Variants in ELMO1 observed in about 807,000 individuals in gnomAD.
ELMO1 encodes engulfment and cell motility protein 1.
ELMO1 carries 26 observed loss-of-function variants against 98.9 expected under a neutral mutation model. That is an observed-to-expected ratio of 0.26 (90% CI 0.19 to 0.36). ELMO1 has a LOEUF of 0.36. Ranked by LOEUF, ELMO1 falls within the 10% of genes least tolerant of loss-of-function variation. The pLI is 1.00. For missense variants in ELMO1, 627 were observed against 935.2 expected, an observed-to-expected ratio of 0.67 and a Z score of 4.30; for synonymous variants, 346 against 346.0, an observed-to-expected ratio of 1.00 and a Z score of 0.00.
intron 13 of ELMO1, among the ~76,000 whole-genome samples, chr7:37,159,615 A>G (rs1287669459): frequency 2.0e-5 from 3 of 152,084 alleles, no homozygotes; most frequent in Non-Finnish European, 4.4e-5. Context: ...CAAGAGAATC[A>G]CTTGAACCAG....
intron 16 of ELMO1, among the ~76,000 whole-genome samples, chr7:36,956,530 A>G (rs1562854823): frequency 6.6e-6 from 1 of 152,222 alleles, no homozygotes; most frequent in Non-Finnish European, 1.5e-5. Flanking sequence ...ATTCCAAAAT[A>G]GGCTAGACTG....
rs1439619628 is a variant in ELMO1 at position 37,342,681 on chromosome 7, G to A, written c.10C>T (p.Pro4Ser). The change falls in exon 2 of 22, where the codon CCC becomes TCC. Residue 4 changes from proline (P) to serine (S), a missense_variant. Pro to Ser is a moderately conservative substitution (Grantham distance 74, BLOSUM62 -1). This residue lies in a region of ELMO1 where 123 missense variants were observed against 171.2 expected (regional missense o/e 0.72). Coordinates refer to ENST00000310758, the MANE Select transcript of ELMO1 (RefSeq NM_014800.11). The surrounding 1 kb of genome is among the most constrained non-coding windows in gnomAD (Gnocchi z 4.3). ...ATGGCCACCTTGACGATGTCCGCGG[G>A]TGGCGGCATTGTAAGTCCCCAAAAT... MPP[P>S]ADIVKVAIEW... The A allele has an allele frequency of 1.2e-6, 2 of 1,610,164 alleles. No homozygotes were observed. Among genetic ancestry groups the A allele is most frequent in the Non-Finnish European group, 1.7e-6 (2 of 1,178,788 alleles).
chr7:37,034,914 G>A (rs1471595578), intron 15 of ELMO1, among the ~76,000 whole-genome samples: 1 of 152,184 alleles, frequency 6.6e-6, no homozygotes, highest in African/African-American at 2.4e-5. Flanking sequence ...AAGAAGACTG[G>A]AAGCTGGTGT....
At chr7:37,360,839 A>G (rs1801673241) in intron 1 of ELMO1, among the ~76,000 whole-genome samples, 1 of 152,374 alleles carries the variant, frequency 6.6e-6, no homozygotes, top group South Asian at 2.1e-4. Flanking sequence ...AAACCTTAAG[A>G]TTAAAGAATA....
chr7:37,241,741 A>C (rs940249891), intron 7 of ELMO1, among the ~76,000 whole-genome samples: 7 of 152,170 alleles, frequency 4.6e-5, no homozygotes, highest in Non-Finnish European at 8.8e-5. Flanking sequence ...GGAAGATTAT[A>C]CACTAGGAAG....
intron 1 of ELMO1, among the ~76,000 whole-genome samples, chr7:37,374,305 T>C (rs1802237473): frequency 6.6e-6 from 1 of 152,058 alleles, no homozygotes; most frequent in South Asian, 2.1e-4. Context: ...TATGCAACCA[T>C]CGTGTCTAAC....
At chr7:37,097,707 T>C (rs905741392) in intron 14 of ELMO1, among the ~76,000 whole-genome samples, 4 of 152,162 alleles carry the variant, frequency 2.6e-5, no homozygotes, top group East Asian at 3.8e-4. Flanking sequence ...AGTGTGGACT[T>C]AGGAGTTACC....
chr7:37,017,407 T>A (rs1055577495), intron 15 of ELMO1, among the ~76,000 whole-genome samples: 4 of 152,216 alleles, frequency 2.6e-5, no homozygotes, highest in African/African-American at 4.8e-5. Context: ...CTGAGTTTTG[T>A]TCATGACAAC....
At chr7:37,083,704 G>T (rs1207943843) in intron 15 of ELMO1, among the ~76,000 whole-genome samples, 1 of 152,224 alleles carries the variant, frequency 6.6e-6, no homozygotes, top group Non-Finnish European at 1.5e-5. Context: ...CTCTCTGGGA[G>T]GAAGAAAGCG....
At chr7:37,006,049 C>A (rs1012614930) in intron 16 of ELMO1, among the ~76,000 whole-genome samples, 2 of 152,176 alleles carry the variant, frequency 1.3e-5, no homozygotes, top group Non-Finnish European at 2.9e-5. Context: ...AAGGGAGGCC[C>A]TTGGCATTTT....
At chr7:37,420,482 T>C (rs1804426030) in intron 1 of ELMO1, among the ~76,000 whole-genome samples, 1 of 152,194 alleles carries the variant, frequency 6.6e-6, no homozygotes, top group Non-Finnish European at 1.5e-5. Context: ...GATGGATCCA[T>C]CACTGTCTAG....
At chr7:37,057,548 G>A (rs1796450990) in intron 15 of ELMO1, among the ~76,000 whole-genome samples, 1 of 152,212 alleles carries the variant, frequency 6.6e-6, no homozygotes, top group Non-Finnish European at 1.5e-5. Context: ...TCTTTACAAG[G>A]CCTTCATTAC....
chr7:37,258,267 C>A (rs1159131020), intron 6 of ELMO1, among the ~76,000 whole-genome samples: 3 of 139,736 alleles, frequency 2.1e-5, no homozygotes, highest in Admixed American at 7.3e-5. Context: ...ACTCCATCTA[C>A]CAAAAACAAA....
chr7:36,855,580 T>C lies in ELMO1; in HGVS notation c.2155A>G (p.Asn719Asp). The C allele has an allele frequency of 6.2e-7, 1 of 1,614,136 alleles. No homozygotes were observed. Among genetic ancestry groups the C allele is most frequent in the Non-Finnish European group, 8.5e-7 (1 of 1,179,990 alleles). ...APPPIPKEPS[N>D]YDFVYDCN ...TTACAGTCATAGACGAAGTCATAGT[T>C]GCTGGGCTCCTTGGGAATCGGCGGA... Residue 719 changes from asparagine (N) to aspartate (D), a missense_variant, in exon 22 of 22, where the codon AAC becomes GAC. Coordinates refer to ENST00000310758, the MANE Select transcript of ELMO1 (RefSeq NM_014800.11). The surrounding 1 kb of genome is among the most constrained non-coding windows in gnomAD (Gnocchi z 4.2).
At chr7:37,033,489 TG>T in intron 15 of ELMO1, 1 of 404,996 alleles carries the variant, frequency 2.5e-6, no homozygotes, top group Non-Finnish European at 4.7e-6. Flanking sequence ...ATGTGTTTAG[TG>T]TTAAAAAAAA....
chr7:37,131,077 A>T (rs1786889211), intron 14 of ELMO1, among the ~76,000 whole-genome samples: 1 of 152,106 alleles, frequency 6.6e-6, no homozygotes, highest in African/African-American at 2.4e-5. Context: ...TCATGGAGAT[A>T]TCTATTGTCA....
chr7:37,427,444 C>A (rs542556986), intron 1 of ELMO1, among the ~76,000 whole-genome samples: 3 of 152,324 alleles, frequency 2.0e-5, no homozygotes, highest in East Asian at 1.9e-4. Flanking sequence ...AACACTGCAA[C>A]GTGTCACAGA....
intron 2 of ELMO1, among the ~76,000 whole-genome samples, chr7:37,333,397 G>A (rs936147230): frequency 3.3e-5 from 5 of 152,154 alleles, no homozygotes; most frequent in African/African-American, 1.2e-4. Flanking sequence ...TGAGTTGCCC[G>A]AACTTCTCAG....
chr7:37,171,051 A>C (rs1584758885), intron 13 of ELMO1, among the ~76,000 whole-genome samples: 1 of 152,208 alleles, frequency 6.6e-6, no homozygotes. Context: ...GAGACACTGA[A>C]GTCTTGAGTT....
Sources: gnomAD v4.1 joint callset for allele counts (sites outside exome capture counted in the v4.1 genomes callset) on GRCh38, gnomAD v4.1.1 for gene constraint, gnomAD v4.1.1 regional missense constraint, Gnocchi (gnomAD v3.1) non-coding constraint, MANE v1.5 for transcripts, NCBI Gene and HGNC (gene_info 2026-07-23, HGNC 2026-07-21) for gene names.